Variants in DRC8 observed in about 807,000 individuals in gnomAD.
DRC8 encodes the protein dynein regulatory complex subunit 8, also known as dynein regulatory complex protein 8.
chr1:245,004,510 G>T, the DRC8 span, among the ~76,000 whole-genome samples: 10 of 151,518 alleles, frequency 6.6e-5, no homozygotes, highest in Non-Finnish European at 1.5e-4. Flanking sequence ...CCTGAGTAGC[G>T]GGGACTATAG....
chr1:245,056,819 C>A, the DRC8 span, among the ~76,000 whole-genome samples: 1 of 151,232 alleles, frequency 6.6e-6, no homozygotes, highest in East Asian at 2.0e-4. Context: ...TGCCTGTAGT[C>A]CCAGCTACTC....
At chr1:245,100,595 A>C in the DRC8 span, among the ~76,000 whole-genome samples, 58 of 151,924 alleles carry the variant, frequency 3.8e-4, 1 homozygote, top group South Asian at 1.3e-3. Flanking sequence ...AGCCTGGGCA[A>C]CATGGTGAAA....
the DRC8 span, among the ~76,000 whole-genome samples, chr1:245,113,071 T>C: frequency 0.61 from 92,205 of 152,104 alleles, 31,032 homozygotes; most frequent in South Asian, 0.73. Context: ...CTATTTTGAG[T>C]GTGATTCTTA....
At chr1:245,002,311 C>T in the DRC8 span, 1 of 1,185,958 alleles carries the variant, frequency 8.4e-7, no homozygotes, top group East Asian at 2.5e-5. Flanking sequence ...TGCTTCCTTC[C>T]AGTTAAGTTA....
At chr1:245,065,289 G>A in the DRC8 span, among the ~76,000 whole-genome samples, 1 of 151,834 alleles carries the variant, frequency 6.6e-6, no homozygotes, top group South Asian at 2.1e-4. Context: ...CTGACCTCAA[G>A]TGATCTGCCC....
the DRC8 span, among the ~76,000 whole-genome samples, chr1:245,060,817 A>G: frequency 3.3e-5 from 5 of 152,384 alleles, no homozygotes; most frequent in East Asian, 9.6e-4. Flanking sequence ...GTTTGTTTGT[A>G]TGTTTTAATC....
the DRC8 span, among the ~76,000 whole-genome samples, chr1:245,080,290 G>A: frequency 2.6e-5 from 4 of 152,152 alleles, no homozygotes; most frequent in Non-Finnish European, 4.4e-5. Flanking sequence ...GGTCAATGGT[G>A]TTTTGTTCAG....
the DRC8 span, among the ~76,000 whole-genome samples, chr1:245,010,979 C>T: frequency 6.6e-6 from 1 of 152,050 alleles, no homozygotes. Context: ...CCGCGCCCAG[C>T]CTTGAGTATC....
the DRC8 span, among the ~76,000 whole-genome samples, chr1:245,114,006 C>T: frequency 6.6e-6 from 1 of 151,920 alleles, no homozygotes; most frequent in Non-Finnish European, 1.5e-5. Flanking sequence ...GGATTTTGTT[C>T]TGTTACATTT....
At chr1:245,041,471 A>G in the DRC8 span, among the ~76,000 whole-genome samples, 1 of 152,216 alleles carries the variant, frequency 6.6e-6, no homozygotes, top group African/African-American at 2.4e-5. Context: ...GAGCAGAAGC[A>G]GAATGACAGC....
chr1:245,118,827 A>AAAGAAAAGAG, the DRC8 span, among the ~76,000 whole-genome samples: 1 of 151,932 alleles, frequency 6.6e-6, no homozygotes, highest in Non-Finnish European at 1.5e-5. Flanking sequence ...AAAGAAAAGA[A>AAAGAAAAGAG]AAGAAAAGAA....
the DRC8 span, among the ~76,000 whole-genome samples, chr1:245,118,050 C>T: frequency 6.6e-5 from 10 of 152,234 alleles, no homozygotes; most frequent in South Asian, 2.1e-4. Context: ...ACCTCTATTA[C>T]GCTACCTGAG....
At chr1:245,080,965 G>A in the DRC8 span, among the ~76,000 whole-genome samples, 5 of 152,054 alleles carry the variant, frequency 3.3e-5, no homozygotes, top group Non-Finnish European at 5.9e-5. Flanking sequence ...GAGTCTTCGC[G>A]TATTCAGTTT....
At chr1:244,985,156 C>A in the DRC8 span, among the ~76,000 whole-genome samples, 2 of 147,304 alleles carry the variant, frequency 1.4e-5, no homozygotes, top group Non-Finnish European at 3.0e-5. Flanking sequence ...TACGCTTCAT[C>A]ATAGAGAGCA....
At chr1:245,072,175 A>T in the DRC8 span, among the ~76,000 whole-genome samples, 3 of 152,260 alleles carry the variant, frequency 2.0e-5, no homozygotes, top group African/African-American at 7.2e-5. Context: ...AGCAACCAAG[A>T]TGTCCTTTAG....
chr1:245,082,733 T>C, the DRC8 span, among the ~76,000 whole-genome samples: 2 of 151,998 alleles, frequency 1.3e-5, no homozygotes, highest in Non-Finnish European at 2.9e-5. Context: ...AGATGGACTT[T>C]CGCTTTTGTC....
At chr1:244,979,846 C>T in the DRC8 span, among the ~76,000 whole-genome samples, 2 of 151,434 alleles carry the variant, frequency 1.3e-5, no homozygotes, top group East Asian at 1.9e-4. Flanking sequence ...TCAATATGGC[C>T]GAAATTTAGG....
At chr1:245,046,028 A>G in the DRC8 span, among the ~76,000 whole-genome samples, 1 of 152,144 alleles carries the variant, frequency 6.6e-6, no homozygotes, top group Non-Finnish European at 1.5e-5. Flanking sequence ...TCCAGACCCT[A>G]TTGCCCTGCC....
chr1:244,977,453 G>A, the DRC8 span, among the ~76,000 whole-genome samples: 1 of 152,124 alleles, frequency 6.6e-6, no homozygotes, highest in South Asian at 2.1e-4. Flanking sequence ...GGGAGGCTGA[G>A]GTAGGAGGAT....
Sources: gnomAD v4.1 joint callset for allele counts (sites outside exome capture counted in the v4.1 genomes callset) on GRCh38, gnomAD v4.1.1 for gene constraint, MANE v1.5 for transcripts, NCBI Gene and HGNC (gene_info 2026-07-23, HGNC 2026-07-21) for gene names.